Variants in BCAS3 observed in about 807,000 individuals in gnomAD.
BCAS3 encodes BCAS3 microtubule associated cell migration factor.
Under a neutral mutation model 116.1 loss-of-function variants are expected in BCAS3, and 53 were observed. The ratio of observed to expected loss-of-function variants is 0.46; its 90% CI spans 0.37 to 0.57. The LOEUF (loss-of-function observed/expected upper bound fraction) is 0.57, where lower values mean the gene tolerates loss of function less well. Among genes scored for constraint, BCAS3 ranks in the 20% least tolerant of loss-of-function variants. The pLI is 0.00. For synonymous variants in BCAS3, 391 were observed against 408.2 expected (o/e 0.96, Z 0.51); for missense variants, 917 against 1,165.4 (o/e 0.79, Z 3.10).
chr17:61,375,243 T>C (rs1034110071), intron 23 of BCAS3, among the ~76,000 whole-genome samples: 2 of 136,762 alleles, frequency 1.5e-5, no homozygotes, highest in African/African-American at 7.3e-5. Flanking sequence ...TGTGTGTGTG[T>C]GTGTGTGTGT....
In BCAS3 at chr17:61,025,783, T is replaced by A. The variant is rs1346079013; in HGVS notation, c.1638-8883T>A. On this transcript the variant is annotated intron_variant, in intron 16 of 23. Transcript: ENST00000407086. ...CACTTTCTTCTAGTTATCTCTTGCG[T>A]GTCTCTGTTCCTTTCTTTGTATATA... 2.0e-5 allele frequency among the ~76,000 whole-genome samples: 3 copies of A among 152,134 alleles called. No homozygotes were observed. In the East Asian group the frequency reaches 5.8e-4, roughly 29 times the overall value.
chr17:61,066,008 C>T (rs2070570571), intron 19 of BCAS3, among the ~76,000 whole-genome samples: 1 of 152,156 alleles, frequency 6.6e-6, no homozygotes, highest in South Asian at 2.1e-4. Context: ...AATCTTAAAG[C>T]AGGTAACTAT....
intron 22 of BCAS3, among the ~76,000 whole-genome samples, chr17:61,250,145 G>A (rs2048263792): frequency 6.6e-6 from 1 of 152,132 alleles, no homozygotes; most frequent in African/African-American, 2.4e-5. Context: ...AGAGAGCTTT[G>A]CCTTCATAAT....
intron 22 of BCAS3, among the ~76,000 whole-genome samples, chr17:61,123,599 C>CT (rs201011662): frequency 1.5e-4 from 22 of 147,296 alleles, no homozygotes; most frequent in South Asian, 8.7e-4. Flanking sequence ...TTTTCTAAGT[C>CT]TTTTTTTTTT....
intron 1 of BCAS3, 25 bp downstream of exon 1, chr17:60,677,939 C>A: frequency 6.5e-6 from 1 of 154,530 alleles, no homozygotes; most frequent in Non-Finnish European, 1.4e-5. Context: ...AGGGCTTTGG[C>A]TTTGGGGAGG....
intron 22 of BCAS3, among the ~76,000 whole-genome samples, chr17:61,164,879 T>C (rs2078394610): frequency 6.6e-6 from 1 of 152,256 alleles, no homozygotes; most frequent in African/African-American, 2.4e-5. Flanking sequence ...AAGATACCTG[T>C]TCATTCATAA....
chr17:60,892,312 A>AT (rs146241613), intron 10 of BCAS3, among the ~76,000 whole-genome samples: 1,513 of 126,788 alleles, frequency 0.012, 10 homozygotes, highest in Middle Eastern at 0.026. Flanking sequence ...TTTTTGACTT[A>AT]TTTTTTTTTT....
intron 5 of BCAS3, among the ~76,000 whole-genome samples, chr17:60,736,826 T>C (rs1443125904): frequency 6.6e-6 from 1 of 152,118 alleles, no homozygotes; most frequent in African/African-American, 2.4e-5. Flanking sequence ...GTAATGTTCC[T>C]TTATTATCCT....
At chr17:60,773,622 A>G (rs908230172) in intron 6 of BCAS3, among the ~76,000 whole-genome samples, 3 of 151,220 alleles carry the variant, frequency 2.0e-5, no homozygotes, top group Admixed American at 6.6e-5. Flanking sequence ...CTATTTTTTC[A>G]TCAGGTTTTT....
chr17:61,034,112 G>A lies in BCAS3; in HGVS notation c.1638-554G>A, dbSNP rs1468365870. On this transcript the variant is annotated intron_variant, in intron 16 of 23. Coordinates refer to ENST00000407086, the MANE Select transcript of BCAS3 (RefSeq NM_017679.5). The surrounding 1 kb of genome is among the most constrained non-coding windows in gnomAD (Gnocchi z 5.0). ...TTAGATGATTAGCTATTCTTCCCTT[G>A]CACTGTCTAACTCTCCATAGCATTG... Among the ~76,000 whole-genome samples the A allele has an allele frequency of 6.6e-6, 1 of 152,134 alleles. No individual in the cohort carries two copies. Among genetic ancestry groups the A allele is most frequent in the African/African-American group, 2.4e-5 (1 of 41,428 alleles).
chr17:61,272,272 T>C (rs1174542512), intron 22 of BCAS3, among the ~76,000 whole-genome samples: 2 of 152,140 alleles, frequency 1.3e-5, no homozygotes, highest in Non-Finnish European at 2.9e-5. Context: ...TTTGGGTGCT[T>C]AATGAAAAAT....
chr17:60,977,007 G>A (rs1352467821), intron 14 of BCAS3, among the ~76,000 whole-genome samples: 2 of 151,932 alleles, frequency 1.3e-5, no homozygotes, highest in Admixed American at 1.3e-4. Flanking sequence ...CTTCCCAGAC[G>A]GGGCGGCCGG....
intron 13 of BCAS3, among the ~76,000 whole-genome samples, chr17:60,937,472 A>G (rs2059996336): frequency 1.3e-5 from 2 of 152,138 alleles, no homozygotes; most frequent in South Asian, 2.1e-4. Flanking sequence ...CTTACGTAAT[A>G]TAAGTTGCAC....
chr17:61,163,741 C>T (rs1305968873), intron 22 of BCAS3, among the ~76,000 whole-genome samples: 5 of 152,042 alleles, frequency 3.3e-5, no homozygotes, highest in African/African-American at 1.2e-4. Flanking sequence ...AATCCCAGTA[C>T]TTTGGGAGGC....
intron 18 of BCAS3, among the ~76,000 whole-genome samples, chr17:61,040,455 G>A (rs1436070823): frequency 1.3e-5 from 2 of 152,152 alleles, no homozygotes; most frequent in African/African-American, 4.8e-5. Context: ...AGAGAGGTCA[G>A]AAATTACATA....
chr17:60,947,750 TATTC>T (rs1181514874), intron 14 of BCAS3, among the ~76,000 whole-genome samples: 1 of 152,224 alleles, frequency 6.6e-6, no homozygotes, highest in Non-Finnish European at 1.5e-5. Context: ...AACATGGACA[TATTC>T]ATATATACAA....
Position 60,788,833 on chromosome 17 carries a change from C to T in BCAS3, c.404-19171C>T, listed in dbSNP as rs115880062. ...TTGGTAAGAAAATAGAATTTTGTAG[C>T]GCACAACAACCTTGACAGAATCTAA... On this transcript the variant is annotated intron_variant, in intron 6 of 23. Coordinates refer to ENST00000407086, the MANE Select transcript of BCAS3 (RefSeq NM_017679.5). Among the ~76,000 whole-genome samples the T allele has an allele frequency of 4.1e-3, 618 of 152,068 alleles. 4 individuals are homozygous for T. Among genetic ancestry groups the T allele is most frequent in the African/African-American group, 0.013 (550 of 41,500 alleles).
At chr17:60,842,457 C>G (rs2052034109) in intron 7 of BCAS3, among the ~76,000 whole-genome samples, 2 of 152,144 alleles carry the variant, frequency 1.3e-5, no homozygotes, top group African/African-American at 4.8e-5. Context: ...AAGATACCAC[C>G]TGCCTATGTG....
In BCAS3 at chr17:61,139,496, G is replaced by T. The variant is rs1453493168; in HGVS notation, c.2425+54932G>T. On this transcript the variant is annotated intron_variant, in intron 22 of 23. Transcript: ENST00000407086. The surrounding 1 kb of genome is among the most constrained non-coding windows in gnomAD (Gnocchi z 4.7). ...GGCACACATCATCTGGGCTCAGTGC[G>T]GGCTTTGTTTATAGCAGAAGCCATA... Among the ~76,000 whole-genome samples the T allele has an allele frequency of 6.6e-6, 1 of 152,190 alleles. No homozygotes were observed. Among genetic ancestry groups the T allele is most frequent in the Non-Finnish European group, 1.5e-5 (1 of 68,034 alleles).
Sources: allele counts gnomAD v4.1 joint callset (sites outside exome capture counted in the v4.1 genomes callset), GRCh38; gene constraint gnomAD v4.1.1; non-coding constraint Gnocchi (gnomAD v3.1); transcripts MANE v1.5; gene names NCBI Gene and HGNC (gene_info 2026-07-23, HGNC 2026-07-21).